Variants in SLC24A3 observed in about 807,000 individuals in gnomAD.
The protein encoded by SLC24A3 is solute carrier family 24 member 3, also known as sodium/potassium/calcium exchanger 3.
Under a neutral mutation model 75.8 loss-of-function variants are expected in SLC24A3, and 28 were observed. That is an observed-to-expected ratio of 0.37 (90% CI 0.27 to 0.51). The LOEUF (loss-of-function observed/expected upper bound fraction) is 0.51. SLC24A3 is among the 20% of genes least tolerant of loss of function. The probability of loss-of-function intolerance (pLI) is 0.94; values close to 1 mark genes in which losing one functional copy is unlikely to be tolerated. For missense variants in SLC24A3, 663 were observed against 847.8 expected (o/e 0.78, Z 2.71); for synonymous variants, 372 against 334.1 (o/e 1.11, Z -1.24).
chr20:19,645,516 G>C (rs1040430914), intron 6 of SLC24A3, among the ~76,000 whole-genome samples: 2 of 152,104 alleles, frequency 1.3e-5, no homozygotes, highest in African/African-American at 4.8e-5. Context: ...CTTAGGAGTT[G>C]GGGGCAATGA....
chr20:19,232,104 G>A (rs1281057735), intron 1 of SLC24A3, among the ~76,000 whole-genome samples: 6 of 151,942 alleles, frequency 3.9e-5, no homozygotes, highest in Non-Finnish European at 8.8e-5. Context: ...GTGGAATACT[G>A]TAGATTATAT....
intron 2 of SLC24A3, among the ~76,000 whole-genome samples, chr20:19,326,577 C>CTTTTTT (rs57226310): frequency 7.9e-5 from 11 of 138,968 alleles, no homozygotes; most frequent in East Asian, 2.1e-4. Flanking sequence ...CTTTTCTTTT[C>CTTTTTT]TTTTTTTTTT....
intron 3 of SLC24A3, among the ~76,000 whole-genome samples, chr20:19,551,916 C>T (rs1242893896): frequency 6.6e-6 from 1 of 152,120 alleles, no homozygotes; most frequent in African/African-American, 2.4e-5. Flanking sequence ...AAAGCCAAAA[C>T]ATTTTTTAAA....
intron 1 of SLC24A3, among the ~76,000 whole-genome samples, chr20:19,231,127 G>T (rs544737777): frequency 6.6e-6 from 1 of 152,244 alleles, no homozygotes; most frequent in Non-Finnish European, 1.5e-5. Context: ...TAAAAAACAG[G>T]TAGACAGGGC....
intron 3 of SLC24A3, among the ~76,000 whole-genome samples, chr20:19,575,103 A>T (rs1219960973): frequency 2.6e-5 from 4 of 151,870 alleles, no homozygotes; most frequent in Middle Eastern, 3.2e-3. Flanking sequence ...TACAAAAAAA[A>T]ATGAAGGGCG....
intron 13 of SLC24A3, chr20:19,695,461 A>G (rs2032793523): frequency 6.6e-6 from 1 of 152,170 alleles, no homozygotes; most frequent in Non-Finnish European, 1.5e-5. Context: ...CAGCTCCCTC[A>G]TCATCTGCCT....
intron 2 of SLC24A3, among the ~76,000 whole-genome samples, chr20:19,460,179 C>G (rs1226002873): frequency 6.6e-6 from 1 of 152,112 alleles, no homozygotes; most frequent in Non-Finnish European, 1.5e-5. Context: ...GGACAGGCAC[C>G]TAAGCGTGGG....
At position 19,235,605 on chromosome 20, in the gene SLC24A3, C is replaced by T. The variant is rs923374177; in HGVS notation, c.142+22621C>T. 5.3e-5 allele frequency among the ~76,000 whole-genome samples: 8 copies of T among 152,172 alleles called. 1 individual carries two copies. The highest frequency in any genetic ancestry group is 5.2e-4 in the Admixed American group (8 of 15,270). On this transcript the variant is annotated intron_variant, in intron 1 of 16. Transcript: ENST00000328041. ...TCATCTGGACTGTCACCTCATCTCC[C>T]CTCAAGTCCAGATCTTGACACCTTG... is the stretch of plus-strand genomic sequence containing the variant.
intron 6 of SLC24A3, among the ~76,000 whole-genome samples, chr20:19,623,549 A>G (rs962028252): frequency 6.6e-6 from 1 of 152,230 alleles, no homozygotes; most frequent in Admixed American, 6.5e-5. Flanking sequence ...GGTAACCACT[A>G]GCCACATATG....
chr20:19,309,808 G>A (rs1600422396), intron 2 of SLC24A3, among the ~76,000 whole-genome samples: 1 of 144,194 alleles, frequency 6.9e-6, no homozygotes, highest in Non-Finnish European at 1.5e-5. Context: ...TACCAACATA[G>A]AATCATCATT....
chr20:19,576,657 A>C (rs1443127799), intron 3 of SLC24A3, among the ~76,000 whole-genome samples: 1 of 152,176 alleles, frequency 6.6e-6, no homozygotes, highest in Non-Finnish European at 1.5e-5. Flanking sequence ...AAAAGTCCTG[A>C]GTGCTTGGCA....
intron 2 of SLC24A3, among the ~76,000 whole-genome samples, chr20:19,433,686 A>C (rs1987144268): frequency 6.6e-6 from 1 of 152,244 alleles, no homozygotes. Context: ...CCAACAAATT[A>C]GGAGACAACT....
At chr20:19,685,570 T>C (rs2032666891) in intron 12 of SLC24A3, among the ~76,000 whole-genome samples, 1 of 152,234 alleles carries the variant, frequency 6.6e-6, no homozygotes. Context: ...GCTTGAAATG[T>C]GAGCTCTTTA....
At chr20:19,582,555 G>A (rs576409932) in intron 4 of SLC24A3, among the ~76,000 whole-genome samples, 1 of 152,354 alleles carries the variant, frequency 6.6e-6, no homozygotes, top group South Asian at 2.1e-4. Context: ...TCCAGGATCC[G>A]AAACTGGGGT....
At chr20:19,471,257 C>T (rs1192979740) in intron 2 of SLC24A3, among the ~76,000 whole-genome samples, 1 of 152,120 alleles carries the variant, frequency 6.6e-6, no homozygotes, top group Non-Finnish European at 1.5e-5. Flanking sequence ...TGAGAGATCC[C>T]CAGATTTGCC....
intron 2 of SLC24A3, among the ~76,000 whole-genome samples, chr20:19,402,619 T>C (rs939436233): frequency 6.6e-6 from 1 of 152,216 alleles, no homozygotes; most frequent in African/African-American, 2.4e-5. Context: ...TTAAAATCTA[T>C]TGGGCAGAAG....
intron 12 of SLC24A3, among the ~76,000 whole-genome samples, chr20:19,691,263 A>G (rs1421001190): frequency 1.3e-5 from 2 of 152,232 alleles, no homozygotes; most frequent in Non-Finnish European, 2.9e-5. Flanking sequence ...GTGACATTCG[A>G]GCAGTGAAGT....
chr20:19,529,273 C>T (rs184629141), intron 3 of SLC24A3, among the ~76,000 whole-genome samples: 4 of 152,216 alleles, frequency 2.6e-5, no homozygotes, highest in East Asian at 1.9e-4. Flanking sequence ...AGAGTCTGAA[C>T]GTAGTTTGAA....
At chr20:19,615,778 A>G (rs1449503781) in intron 6 of SLC24A3, among the ~76,000 whole-genome samples, 1 of 152,174 alleles carries the variant, frequency 6.6e-6, no homozygotes, top group East Asian at 1.9e-4. Flanking sequence ...CTTGGACATC[A>G]GACTCCAGGT....
Sources: allele counts gnomAD v4.1 joint callset (sites outside exome capture counted in the v4.1 genomes callset), GRCh38; gene constraint gnomAD v4.1.1; transcripts MANE v1.5; gene names NCBI Gene and HGNC (gene_info 2026-07-23, HGNC 2026-07-21).